Variants in HSD11B1 observed in about 807,000 individuals in gnomAD.
HSD11B1 encodes hydroxysteroid 11-beta dehydrogenase 1, also known as 11-beta-hydroxysteroid dehydrogenase 1.
Under a neutral mutation model 22.1 loss-of-function variants are expected in HSD11B1, and 15 were observed. The observed-to-expected ratio is 0.68, with a 90% CI of 0.45 to 1.04. HSD11B1 has a LOEUF of 1.04. Among genes scored for constraint, HSD11B1 ranks in the 50% least tolerant of loss-of-function variants. The probability of loss-of-function intolerance (pLI) is 0.00; values close to 1 mark genes in which losing one functional copy is unlikely to be tolerated. For missense variants in HSD11B1, 281 were observed against 357.6 expected, an observed-to-expected ratio of 0.79 and a Z score of 1.73; for synonymous variants, 122 against 125.2, an observed-to-expected ratio of 0.97 and a Z score of 0.17.
chr1:209,721,863 G>T (rs1306459772), intron 4 of HSD11B1, among the ~76,000 whole-genome samples: 4 of 152,148 alleles, frequency 2.6e-5, no homozygotes, highest in African/African-American at 9.7e-5. Flanking sequence ...CCTCCCTGTT[G>T]CCTTTAGACT....
intron 1 of HSD11B1, among the ~76,000 whole-genome samples, chr1:209,695,243 A>G (rs1281117335): frequency 1.3e-5 from 2 of 152,184 alleles, no homozygotes; most frequent in Non-Finnish European, 2.9e-5. Context: ...TATATAAATT[A>G]CCCAGTCTCA....
At chr1:209,701,763 C>G (rs2076828165), upstream of HSD11B1, among the ~76,000 whole-genome samples, 1 of 152,196 alleles carries the variant, frequency 6.6e-6, no homozygotes, top group Non-Finnish European at 1.5e-5. Context: ...CAAGGAACTT[C>G]CCCTCTGGCT....
chr1:209,713,740 T>G (rs2076912935), intron 4 of HSD11B1, among the ~76,000 whole-genome samples: 1 of 152,240 alleles, frequency 6.6e-6, no homozygotes, highest in Admixed American at 6.5e-5. Flanking sequence ...GTAAATGCTA[T>G]GTAAATAGCT....
Position 209,717,419 on chromosome 1 carries a change from A to G in HSD11B1, c.517+10291A>G, listed in dbSNP as rs116434862. On this transcript the variant is annotated intron_variant, in intron 4 of 5. Coordinates refer to ENST00000367027, the MANE Select transcript of HSD11B1 (RefSeq NM_005525.4). The stretch of plus-strand genomic sequence containing the variant: ...ACATAGCAGATACTATTGTGGATGC[A>G]GAGAAAAGGGAACTCTTATATACTG... Among the ~76,000 whole-genome samples, 863 of 152,338 alleles carry G rather than the reference A, an allele frequency of 5.7e-3. 12 individuals carry two copies. Among genetic ancestry groups the G allele is most frequent in the African/African-American group, 0.02 (827 of 41,580 alleles).
chr1:209,691,994 C>T (rs1019930863), intron 1 of HSD11B1, among the ~76,000 whole-genome samples: 8 of 151,604 alleles, frequency 5.3e-5, no homozygotes, highest in African/African-American at 1.7e-4. Flanking sequence ...ATTGTTGTCA[C>T]TAGTTGTAAA....
intron 4 of HSD11B1, among the ~76,000 whole-genome samples, chr1:209,713,945 G>A (rs1042145213): frequency 1.3e-5 from 2 of 152,180 alleles, no homozygotes; most frequent in African/African-American, 4.8e-5. Flanking sequence ...CAAGAGGAAT[G>A]GTCAGGGAGA....
At chr1:209,732,053 C>T (rs1419741169) in intron 4 of HSD11B1, among the ~76,000 whole-genome samples, 1 of 152,100 alleles carries the variant, frequency 6.6e-6, no homozygotes, top group Non-Finnish European at 1.5e-5. Context: ...TAAAACATAC[C>T]CTTTCCATTG....
Position 209,724,243 on chromosome 1 carries a change from C to T in HSD11B1, c.518-8193C>T, listed in dbSNP as rs75755034. ...CAGATTGAGTCAGACCCCAGTCCTC[C>T]TTGTTGCTCATCAAACTCTTTGGGA... On this transcript the variant is annotated intron_variant, in intron 4 of 5. Coordinates refer to ENST00000367027, the MANE Select transcript of HSD11B1 (RefSeq NM_005525.4). 86 of 152,328 alleles carry T rather than the reference C, an allele frequency of 5.6e-4. 1 individual carries two copies. Among genetic ancestry groups the T allele is most frequent in the African/African-American group, 2.1e-3 (86 of 41,576 alleles). The allele number at this position is 152,328 out of a possible 1,614,324, so 9.4% of individuals were successfully genotyped here. A position where few individuals can be genotyped will look rare whatever the true frequency, so the allele number is the denominator to read the frequency against.
intron 4 of HSD11B1, among the ~76,000 whole-genome samples, chr1:209,711,597 G>T (rs552837833): frequency 6.6e-6 from 1 of 152,218 alleles, no homozygotes; most frequent in Non-Finnish European, 1.5e-5. Context: ...TTGGGGGGAT[G>T]GGTAGAAGTA....
intron 4 of HSD11B1, among the ~76,000 whole-genome samples, chr1:209,726,235 C>T (rs113978676): frequency 3.9e-5 from 5 of 126,862 alleles, no homozygotes; most frequent in African/African-American, 1.5e-4. Flanking sequence ...GAGCCAAGAT[C>T]GCGCCACTGC....
upstream of HSD11B1, among the ~76,000 whole-genome samples, chr1:209,704,353 G>C (rs1027339339): frequency 3.3e-5 from 5 of 149,432 alleles, no homozygotes; most frequent in Non-Finnish European, 7.4e-5. Flanking sequence ...GGCTTATAGA[G>C]CTTCTTTGCT....
At chr1:209,723,222 A>C (rs371701954) in intron 4 of HSD11B1, among the ~76,000 whole-genome samples, 1 of 152,196 alleles carries the variant, frequency 6.6e-6, no homozygotes, top group African/African-American at 2.4e-5. Flanking sequence ...CTCTTCTGCT[A>C]TCATGGACCC....
upstream of HSD11B1, among the ~76,000 whole-genome samples, chr1:209,702,906 C>A (rs846911): frequency 0.089 from 13,512 of 152,154 alleles, 1,862 homozygotes; most frequent in African/African-American, 0.29. Flanking sequence ...TCCCATGAAA[C>A]TCACTTTATT....
At chr1:209,730,612 T>C (rs1020061107) in intron 4 of HSD11B1, among the ~76,000 whole-genome samples, 1 of 152,210 alleles carries the variant, frequency 6.6e-6, no homozygotes, top group Admixed American at 6.5e-5. Flanking sequence ...GAAGGAGGAA[T>C]GGATATTGGG....
chr1:209,712,836 G>C (rs1487252749), intron 4 of HSD11B1, among the ~76,000 whole-genome samples: 2 of 152,104 alleles, frequency 1.3e-5, no homozygotes, highest in Non-Finnish European at 2.9e-5. Context: ...GGATCACGAG[G>C]TCAGGCATTT....
Position 209,734,329 on chromosome 1 carries a change from G to A in HSD11B1, c.687G>A (p.Gly229=). Residue 229 remains glycine (G), a synonymous_variant, in exon 6 of 6, where the codon GGG becomes GGA. Coordinates refer to ENST00000367027, the MANE Select transcript of HSD11B1 (RefSeq NM_005525.4). The part of the protein sequence containing the change: ...DTETAMKAVS[G]IVHMQAAPKE... ...AAACAGCCATGAAGGCAGTTTCTGGGATAGTCCATATGCAAGCAGCTCCAA... is the reference window on the plus strand; with the variant it reads ...AAACAGCCATGAAGGCAGTTTCTGGAATAGTCCATATGCAAGCAGCTCCAA... The A allele has an allele frequency of 1.2e-6, 2 of 1,614,054 alleles. No homozygotes were observed. The highest frequency in any genetic ancestry group is 1.7e-6 in the Non-Finnish European group (2 of 1,179,978).
Position 209,706,920 on chromosome 1 carries a change from C to A in HSD11B1, c.332-23C>A. ...GAAAGGTATCAACCCCAGATGATTT[C>A]TTAATATAGCCATCTCTTGCAGGAG... On this transcript the variant is annotated intron_variant, in intron 3 of 5. Coordinates refer to ENST00000367027, the MANE Select transcript of HSD11B1 (RefSeq NM_005525.4). This position sits in a 1 kb window ranked among gnomAD's most constrained non-coding sequence, Gnocchi z 4.0. 6.2e-7 allele frequency: 1 copy of A among 1,612,720 alleles called. No individual in the cohort carries two copies. The highest frequency in any genetic ancestry group is 1.1e-5 in the South Asian group (1 of 91,048).
chr1:209,687,798 G>A (rs2076737026), intron 1 of HSD11B1, among the ~76,000 whole-genome samples: 1 of 152,160 alleles, frequency 6.6e-6, no homozygotes, highest in South Asian at 2.1e-4. Flanking sequence ...TCTTTCCCTG[G>A]CAGAAATAGA....
chr1:209,734,345 G>T lies in HSD11B1; in HGVS notation c.703G>T (p.Ala235Ser). 6.2e-7 allele frequency: 1 copy of T among 1,614,100 alleles called. No individual in the cohort carries two copies. The highest frequency in any genetic ancestry group is 8.5e-7 in the Non-Finnish European group (1 of 1,180,000). Residue 235 changes from alanine (A) to serine (S), a missense_variant, in exon 6 of 6, where the codon GCA (alanine) becomes TCA (serine). Coordinates refer to ENST00000367027, the MANE Select transcript of HSD11B1 (RefSeq NM_005525.4). ...KAVSGIVHMQAAPKEECALEI... is the reference protein window; with the variant it reads ...KAVSGIVHMQSAPKEECALEI... The stretch of plus-strand genomic sequence containing the variant: ...AGTTTCTGGGATAGTCCATATGCAA[G>T]CAGCTCCAAAGGAGGAATGTGCCCT...
Sources: allele counts gnomAD v4.1 joint callset (sites outside exome capture counted in the v4.1 genomes callset), GRCh38; gene constraint gnomAD v4.1.1; non-coding constraint Gnocchi (gnomAD v3.1); transcripts MANE v1.5; gene names NCBI Gene and HGNC (gene_info 2026-07-23, HGNC 2026-07-21).